Variants in DENND1B observed in about 807,000 individuals in gnomAD.
The protein encoded by DENND1B is DENN domain containing 1B, also known as DENN domain-containing protein 1B.
In DENND1B, 59 loss-of-function variants were observed where a neutral mutation model predicts 90.1. The observed-to-expected ratio is 0.65, with a 90% CI of 0.53 to 0.81. DENND1B has a LOEUF of 0.81. DENND1B is among the 40% of genes least tolerant of loss of function. The pLI is 0.00. For synonymous variants in DENND1B, 337 were observed against 324.6 expected, an observed-to-expected ratio of 1.04 and a Z score of -0.41; for missense variants, 862 against 912.6, an observed-to-expected ratio of 0.94 and a Z score of 0.71.
chr1:197,538,125 TG>T (rs1444092091), intron 20 of DENND1B, among the ~76,000 whole-genome samples: 4 of 152,288 alleles, frequency 2.6e-5, no homozygotes, highest in Admixed American at 6.5e-5. Flanking sequence ...ATATAAATAA[TG>T]TTTTTTTACA....
At chr1:197,567,643 T>C (rs111371365) in intron 15 of DENND1B, among the ~76,000 whole-genome samples, 11,784 of 152,150 alleles carry the variant, frequency 0.077, 555 homozygotes, top group Non-Finnish European at 0.099. Flanking sequence ...ATCCCTGGAA[T>C]GCAAGGATGG....
intron 9 of DENND1B, 80 bp from the exon 10 acceptor site, chr1:197,642,901 G>C: frequency 1.1e-6 from 1 of 914,924 alleles, no homozygotes; most frequent in Non-Finnish European, 1.7e-6. Context: ...TTACCAGAAA[G>C]TCTTGAAGTT....
intron 15 of DENND1B, among the ~76,000 whole-genome samples, chr1:197,571,213 C>A (rs1282326120): frequency 7.0e-6 from 1 of 143,684 alleles, no homozygotes; most frequent in Non-Finnish European, 1.6e-5. Flanking sequence ...GTAATCTGGG[C>A]AACCTTTACA....
At chr1:197,747,366 C>A in intron 2 of DENND1B, 1 of 531,390 alleles carries the variant, frequency 1.9e-6, no homozygotes, top group Non-Finnish European at 3.5e-6. Flanking sequence ...TGAGTTAAGT[C>A]CAGAGTTCTG....
chr1:197,651,642 C>CTTT (rs1653190004), intron 7 of DENND1B, among the ~76,000 whole-genome samples: 1 of 127,022 alleles, frequency 7.9e-6, no homozygotes, highest in African/African-American at 3.0e-5. Context: ...AAAATCAATG[C>CTTT]TTCTTTTTTT....
intron 20 of DENND1B, among the ~76,000 whole-genome samples, chr1:197,519,285 A>C (rs1241267487): frequency 6.6e-6 from 1 of 151,948 alleles, no homozygotes; most frequent in African/African-American, 2.4e-5. Context: ...TGTTTTCTGA[A>C]TAAATGAATA....
At chr1:197,649,585 C>G (rs893943525) in intron 7 of DENND1B, among the ~76,000 whole-genome samples, 2 of 152,130 alleles carry the variant, frequency 1.3e-5, no homozygotes, top group African/African-American at 4.8e-5. Context: ...GCCAACTGAT[C>G]TTCGACAAAG....
chr1:197,604,048 T>C (rs983655577), intron 13 of DENND1B, among the ~76,000 whole-genome samples: 1 of 151,282 alleles, frequency 6.6e-6, no homozygotes, highest in Non-Finnish European at 1.5e-5. Flanking sequence ...TGTTTGAAGG[T>C]GTCTATTTGG....
upstream of DENND1B, among the ~76,000 whole-genome samples, chr1:197,778,675 TA>T (rs1180620058): frequency 2.7e-5 from 4 of 150,470 alleles, no homozygotes; most frequent in South Asian, 2.1e-4. Flanking sequence ...AGACACTGTC[TA>T]AAAAAAATTA....
intron 3 of DENND1B, among the ~76,000 whole-genome samples, chr1:197,691,210 G>A (rs1367329567): frequency 1.4e-5 from 2 of 148,112 alleles, no homozygotes; most frequent in African/African-American, 5.0e-5. Context: ...CCATACATAT[G>A]ATAAAGGGTT....
At chr1:197,761,599 T>C (rs17567921) in intron 2 of DENND1B, among the ~76,000 whole-genome samples, 9,401 of 152,268 alleles carry the variant, frequency 0.062, 449 homozygotes, top group Non-Finnish European at 0.096. Flanking sequence ...TAAGTTTTTA[T>C]AACTACCCAC....
chr1:197,631,781 A>T (rs1345466056), intron 10 of DENND1B, among the ~76,000 whole-genome samples: 1 of 152,030 alleles, frequency 6.6e-6, no homozygotes, highest in Non-Finnish European at 1.5e-5. Flanking sequence ...TGTTTAACAT[A>T]CATGTGTATA....
intron 15 of DENND1B, among the ~76,000 whole-genome samples, chr1:197,558,420 T>G (rs1671886009): frequency 6.6e-6 from 1 of 151,792 alleles, no homozygotes; most frequent in South Asian, 2.1e-4. Context: ...AAGAACCAGA[T>G]TTTGTTAATC....
intron 3 of DENND1B, among the ~76,000 whole-genome samples, chr1:197,677,191 C>G (rs75842843): frequency 6.6e-6 from 1 of 152,008 alleles, no homozygotes; most frequent in African/African-American, 2.4e-5. Context: ...AATTTCAGAG[C>G]GTTCTCTGAA....
intron 2 of DENND1B, among the ~76,000 whole-genome samples, chr1:197,753,152 T>C (rs1050439747): frequency 3.2e-4 from 49 of 152,030 alleles, no homozygotes; most frequent in African/African-American, 9.0e-4. Context: ...TGGAAAAATA[T>C]CAATATGCGA....
At chr1:197,614,694 A>C (rs1400517804) in intron 11 of DENND1B, among the ~76,000 whole-genome samples, 1 of 150,896 alleles carries the variant, frequency 6.6e-6, no homozygotes, top group Non-Finnish European at 1.5e-5. Context: ...CTCATGACAC[A>C]GACTATAACA....
chr1:197,547,829 AC>A (rs200589873), intron 16 of DENND1B, among the ~76,000 whole-genome samples: 1 of 53,600 alleles, frequency 1.9e-5, no homozygotes, highest in Admixed American at 1.9e-4. Context: ...TTAAACAACA[AC>A]AAAAAAAACC....
At chr1:197,762,574 T>C (rs1344739395) in intron 2 of DENND1B, among the ~76,000 whole-genome samples, 1 of 152,234 alleles carries the variant, frequency 6.6e-6, no homozygotes, top group Non-Finnish European at 1.5e-5. Context: ...CTAAAATCCA[T>C]GTATTTAACA....
chr1:197,604,450 G>A lies in DENND1B; in HGVS notation c.921+2623C>T, dbSNP rs1676490816. The stretch of plus-strand genomic sequence containing the variant: ...AATATTGGAATGAAGCCATTAAGAA[G>A]ATTACAGCATGCAACACAGCAGAGG... On this transcript the variant is annotated intron_variant, in intron 13 of 22. Coordinates refer to ENST00000620048, the MANE Select transcript of DENND1B (RefSeq NM_001195215.2). Among the ~76,000 whole-genome samples, 6 of 151,244 alleles carry A rather than the reference G, an allele frequency of 4.0e-5. No homozygotes were observed. The South Asian group carries it at 1.3e-3, about 32-fold the overall frequency.
Sources: gnomAD v4.1 joint callset for allele counts (sites outside exome capture counted in the v4.1 genomes callset) on GRCh38, gnomAD v4.1.1 for gene constraint, MANE v1.5 for transcripts, NCBI Gene and HGNC (gene_info 2026-07-23, HGNC 2026-07-21) for gene names.